Variants in ASH1L observed in about 807,000 individuals in gnomAD.
ASH1L encodes histone-lysine N-methyltransferase ASH1L.
A neutral mutation model predicts 269.0 loss-of-function variants in ASH1L; 23 were observed. That is an observed-to-expected ratio of 0.09 (90% CI 0.06 to 0.12). The LOEUF is 0.12. ASH1L is among the 10% of genes least tolerant of loss of function. The pLI is 1.00. For missense variants in ASH1L, 2,912 were observed against 3,567.8 expected (o/e 0.82, Z 4.68); for synonymous variants, 1,187 against 1,253.5 (o/e 0.95, Z 1.12).
chr1:155,532,822 CAAA>C (rs532961658), intron 1 of ASH1L, among the ~76,000 whole-genome samples: 1 of 68,006 alleles, frequency 1.5e-5, no homozygotes. Flanking sequence ...GACTCTGTCT[CAAA>C]AAAAAAAAAA....
chr1:155,556,838 C>T (rs1671629376), intron 1 of ASH1L, among the ~76,000 whole-genome samples: 1 of 151,942 alleles, frequency 6.6e-6, no homozygotes, highest in Non-Finnish European at 1.5e-5. Flanking sequence ...TGCTGAAGTT[C>T]GAGACCAGTG....
chr1:155,488,858 T>C (rs372360047), intron 2 of ASH1L, among the ~76,000 whole-genome samples: 23 of 152,104 alleles, frequency 1.5e-4, no homozygotes, highest in African/African-American at 5.3e-4. Flanking sequence ...TGTAATTTTT[T>C]CCAACAGAAA....
chr1:155,556,616 T>C (rs548163204), intron 1 of ASH1L, among the ~76,000 whole-genome samples: 42 of 152,180 alleles, frequency 2.8e-4, no homozygotes, highest in South Asian at 2.1e-4. Flanking sequence ...TAATTTTTTA[T>C]ATTTTTAGTA....
rs1421608114 is a variant in ASH1L at position 155,344,034 on chromosome 1, T to C, written c.7981+149A>G. 7 of 696,180 alleles carry C rather than the reference T, an allele frequency of 1.0e-5. No homozygotes were observed. The East Asian group carries it at 1.9e-4, about 19-fold the overall frequency. The allele number at this position is 696,180 out of a possible 1,614,324, so 43.1% of individuals were successfully genotyped here. Reference sequence around the variant, plus strand: ...TATTATTTGGTGGAGAGGTGATGCATGTAAGCACAAGGACTACAGATATAA... The same window carrying C: ...TATTATTTGGTGGAGAGGTGATGCACGTAAGCACAAGGACTACAGATATAA... On this transcript the variant is annotated intron_variant, in intron 22 of 27. Transcript: ENST00000392403.
chr1:155,456,719 G>C (rs1663890308), intron 4 of ASH1L, among the ~76,000 whole-genome samples: 1 of 152,022 alleles, frequency 6.6e-6, no homozygotes, highest in Non-Finnish European at 1.5e-5. Flanking sequence ...ACCTAAATAG[G>C]CCAAAGACAG....
intron 10 of ASH1L, among the ~76,000 whole-genome samples, chr1:155,375,540 A>G (rs1446764187): frequency 6.6e-6 from 1 of 152,154 alleles, no homozygotes; most frequent in African/African-American, 2.4e-5. Context: ...TAATCCCAGC[A>G]CTTTGGGAGG....
At chr1:155,363,528 C>T (rs1453792061) in intron 12 of ASH1L, among the ~76,000 whole-genome samples, 1 of 151,866 alleles carries the variant, frequency 6.6e-6, no homozygotes, top group Non-Finnish European at 1.5e-5. Context: ...ACAGGCATGA[C>T]CCACGGAGCC....
At chr1:155,546,666 G>A (rs1670847047) in intron 1 of ASH1L, among the ~76,000 whole-genome samples, 1 of 151,784 alleles carries the variant, frequency 6.6e-6, no homozygotes, top group Non-Finnish European at 1.5e-5. Flanking sequence ...GCTGAGGCAG[G>A]AGAATCACTT....
chr1:155,499,114 T>C (rs1667344300), intron 2 of ASH1L, among the ~76,000 whole-genome samples: 1 of 152,106 alleles, frequency 6.6e-6, no homozygotes, highest in African/African-American at 2.4e-5. Context: ...CTATCCTCAT[T>C]ATATGGCCCT....
In ASH1L at chr1:155,336,504, C is replaced by A. The variant is rs1469207504; in HGVS notation, c.*1156G>T. 1 of 152,420 alleles carries A rather than the reference C, an allele frequency of 6.6e-6. No individual in the cohort carries two copies. The highest frequency in any genetic ancestry group is 2.4e-5 in the African/African-American group (1 of 41,360). 9.4% of individuals were successfully genotyped at this position (152,420 alleles called of 1,614,324 possible). On this transcript the variant is annotated 3_prime_UTR_variant, in exon 28 of 28. Transcript: ENST00000392403. ...ATGTATGTCTGAAAAGACAACAAAG[C>A]TTTTTAAATTTTATTTTTAAAGAGA... is the stretch of plus-strand genomic sequence containing the variant.
At chr1:155,482,573 A>G in intron 2 of ASH1L, 124 bp from the exon 3 acceptor site, 2 of 989,128 alleles carry the variant, frequency 2.0e-6, no homozygotes, top group East Asian at 2.4e-5. Flanking sequence ...GTGGTTTTTA[A>G]AAAACCTAAT....
intron 2 of ASH1L, among the ~76,000 whole-genome samples, chr1:155,500,534 A>G (rs773474212): frequency 6.6e-6 from 1 of 152,180 alleles, no homozygotes; most frequent in South Asian, 2.1e-4. Flanking sequence ...TAATGTAGAC[A>G]TGCATTCTGG....
chr1:155,374,493 C>A (rs577722636), intron 10 of ASH1L, among the ~76,000 whole-genome samples: 7 of 152,302 alleles, frequency 4.6e-5, no homozygotes, highest in Admixed American at 2.0e-4. Context: ...GAGAAAGTAT[C>A]GACTGGATTA....
At chr1:155,338,429 AG>A in intron 26 of ASH1L, 39 bp from the exon 27 acceptor site, 1 of 1,579,920 alleles carries the variant, frequency 6.3e-7, no homozygotes, top group African/African-American at 1.4e-5. Context: ...AAGACACTTG[AG>A]GAGGAAAAGG....
chr1:155,370,221 A>G (rs765784065), intron 12 of ASH1L: 4 of 422,478 alleles, frequency 9.5e-6, no homozygotes, highest in Non-Finnish European at 1.7e-5. Flanking sequence ...CATCATTATT[A>G]TATTTTTCTA....
At position 155,359,169 on chromosome 1, in the gene ASH1L, C is replaced by G. The variant is rs1328397367; in HGVS notation, c.6795+1132G>C. On this transcript the variant is annotated intron_variant, in intron 13 of 27. Coordinates refer to ENST00000392403, the MANE Select transcript of ASH1L (RefSeq NM_018489.3). ...TAGAGAAGGGGTCCCGTTCTGTGGCCCAGGTTGGCCTTGAACTCCTGGGCT... is the reference window on the plus strand; with the variant it reads ...TAGAGAAGGGGTCCCGTTCTGTGGCGCAGGTTGGCCTTGAACTCCTGGGCT... Among the ~76,000 whole-genome samples the G allele has an allele frequency of 3.3e-5, 5 of 152,062 alleles. No individual in the cohort carries two copies. In the East Asian group the frequency reaches 9.6e-4, roughly 29 times the overall value.
intron 1 of ASH1L, among the ~76,000 whole-genome samples, chr1:155,530,021 A>T (rs1472972161): frequency 6.6e-6 from 1 of 152,098 alleles, no homozygotes; most frequent in Non-Finnish European, 1.5e-5. Context: ...CTCAAACACA[A>T]CAAAAATACT....
At chr1:155,525,843 G>C (rs1484584872) in intron 1 of ASH1L, among the ~76,000 whole-genome samples, 1 of 151,660 alleles carries the variant, frequency 6.6e-6, no homozygotes, top group Non-Finnish European at 1.5e-5. Flanking sequence ...AAAATCTGAC[G>C]ATGCTCAAGT....
chr1:155,469,509 T>C, intron 3 of ASH1L, among the ~76,000 whole-genome samples: 1 of 152,164 alleles, frequency 6.6e-6, no homozygotes. Context: ...TATAATAAAC[T>C]CACTTAAGAA....
Sources: gnomAD v4.1 joint callset for allele counts (sites outside exome capture counted in the v4.1 genomes callset) on GRCh38, gnomAD v4.1.1 for gene constraint, MANE v1.5 for transcripts, NCBI Gene and HGNC (gene_info 2026-07-23, HGNC 2026-07-21) for gene names.